The following LDLRAD4 variants were observed in gnomAD, a reference collection of about 807,000 sequenced individuals.
The protein encoded by LDLRAD4 is low-density lipoprotein receptor class A domain-containing protein 4.
In LDLRAD4, 5 loss-of-function variants were observed where a neutral mutation model predicts 17.0. The observed-to-expected ratio is 0.29, with a 90% CI of 0.15 to 0.62. The LOEUF (loss-of-function observed/expected upper bound fraction) is 0.62, where lower values mean the gene tolerates loss of function less well. LDLRAD4 is among the 20% of genes least tolerant of loss of function. The pLI, the probability that LDLRAD4 is intolerant of heterozygous loss-of-function variation, is 0.84. For missense variants in LDLRAD4, 340 were observed against 424.7 expected (o/e 0.80, Z 1.75); for synonymous variants, 168 against 171.8 (o/e 0.98, Z 0.17).
At chr18:13,484,739 A>T (rs765323264) in intron 3 of LDLRAD4, among the ~76,000 whole-genome samples, 29 of 152,208 alleles carry the variant, frequency 1.9e-4, no homozygotes, top group South Asian at 4.1e-4. Context: ...AGAGACAGGC[A>T]CTAATGCACA....
intron 3 of LDLRAD4, among the ~76,000 whole-genome samples, chr18:13,511,809 TC>T (rs1466463705): frequency 5.3e-5 from 8 of 152,088 alleles, no homozygotes; most frequent in Admixed American, 3.9e-4. Context: ...GGAATAAAAA[TC>T]CCCAGACCTA....
chr18:13,377,424 T>G (rs1233953887), intron 1 of LDLRAD4, among the ~76,000 whole-genome samples: 1 of 152,228 alleles, frequency 6.6e-6, no homozygotes, highest in African/African-American at 2.4e-5. Flanking sequence ...TATCTTTTTT[T>G]AGCTCTTAGA....
chr18:13,620,009 G>A (rs1002732774), intron 3 of LDLRAD4, among the ~76,000 whole-genome samples: 2 of 152,062 alleles, frequency 1.3e-5, no homozygotes, highest in East Asian at 2.0e-4. Flanking sequence ...GTGGAGGGCC[G>A]TGCTGAAGGG....
At position 13,318,267 on chromosome 18, in the gene LDLRAD4, C is replaced by CT. The variant is rs534002200; in HGVS notation, c.-383+40091dup. Among the ~76,000 whole-genome samples the CT allele has an allele frequency of 2.3e-3, 331 of 146,184 alleles. 1 individual carries two copies. The highest frequency in any genetic ancestry group is 3.9e-3 in the South Asian group (18 of 4,566). ...ATGGAGCTTTAATTCATAGTGAAAT[C>CT]TTTTTTTTTTTTGAGACAGAGTCTC... On this transcript the variant is annotated intron_variant, in intron 1 of 5. Coordinates refer to ENST00000359446, the Ensembl canonical transcript of LDLRAD4.
chr18:13,395,570 G>C (rs1271336988), intron 2 of LDLRAD4, among the ~76,000 whole-genome samples: 1 of 59,002 alleles, frequency 1.7e-5, no homozygotes, highest in Non-Finnish European at 3.3e-5. Context: ...GCGTGGGAGC[G>C]GGAGCTGGCG....
chr18:13,399,463 G>A (rs949670567), intron 2 of LDLRAD4, among the ~76,000 whole-genome samples: 1 of 152,176 alleles, frequency 6.6e-6, no homozygotes, highest in African/African-American at 2.4e-5. Flanking sequence ...CACTTGCAAC[G>A]AAGCCAGACA....
In LDLRAD4 at chr18:13,398,861, C is replaced by T. The variant is rs919311498; in HGVS notation, c.40+11099C>T. 1.3e-5 allele frequency among the ~76,000 whole-genome samples: 2 copies of T among 152,268 alleles called. No individual in the cohort carries two copies. The highest frequency in any genetic ancestry group is 2.1e-4 in the South Asian group (1 of 4,814). On this transcript the variant is annotated intron_variant, in intron 2 of 5. Coordinates refer to ENST00000359446, the Ensembl canonical transcript of LDLRAD4. The surrounding 1 kb of genome is among the most constrained non-coding windows in gnomAD (Gnocchi z 4.8). Reference sequence around the variant, plus strand: ...TTGTTGCCTGGGACTCACTTCCCTACGGGGCATTGGTTCCAGTATTGTGTC... The same window carrying T: ...TTGTTGCCTGGGACTCACTTCCCTATGGGGCATTGGTTCCAGTATTGTGTC...
chr18:13,271,036 C>T (rs1342702586), intron 1 of LDLRAD4, among the ~76,000 whole-genome samples: 1 of 152,146 alleles, frequency 6.6e-6, no homozygotes, highest in Non-Finnish European at 1.5e-5. Flanking sequence ...AAAGATCAAA[C>T]ATAGTTTAAT....
At position 13,408,243 on chromosome 18, in the gene LDLRAD4, G is replaced by T. The variant is rs146154144; in HGVS notation, c.40+20481G>T. ...ACACAATTTAGCCAGGTGTGGTGGTGCAGGCCTGTAGTCCCAGCTACTTGG... is the reference window on the plus strand; with the variant it reads ...ACACAATTTAGCCAGGTGTGGTGGTTCAGGCCTGTAGTCCCAGCTACTTGG... On this transcript the variant is annotated intron_variant, in intron 2 of 5. Transcript: ENST00000359446. 6.9e-3 allele frequency among the ~76,000 whole-genome samples: 1,048 copies of T among 151,926 alleles called. 10 individuals carry two copies. The highest frequency in any genetic ancestry group is 0.024 in the African/African-American group (1,013 of 41,428).
chr18:13,314,395 A>C (rs12458742), intron 1 of LDLRAD4, among the ~76,000 whole-genome samples: 6,458 of 152,258 alleles, frequency 0.042, 329 homozygotes, highest in African/African-American at 0.12. Flanking sequence ...TGAAAAAGCG[A>C]TTTCTTAATG....
chr18:13,478,166 C>G (rs1305772235), intron 3 of LDLRAD4, among the ~76,000 whole-genome samples: 2 of 152,216 alleles, frequency 1.3e-5, no homozygotes, highest in African/African-American at 4.8e-5. Context: ...ACCCTCTTGA[C>G]TCGGGGTTGT....
At chr18:13,532,845 T>C (rs981861422) in intron 3 of LDLRAD4, among the ~76,000 whole-genome samples, 3 of 152,188 alleles carry the variant, frequency 2.0e-5, no homozygotes, top group African/African-American at 7.2e-5. Context: ...TGCCTGGCCC[T>C]GCGCCTTCCG....
chr18:13,496,435 T>A (rs2093471336), intron 3 of LDLRAD4, among the ~76,000 whole-genome samples: 1 of 152,212 alleles, frequency 6.6e-6, no homozygotes, highest in African/African-American at 2.4e-5. Context: ...GTCTAATGCT[T>A]AACAAATCTT....
chr18:13,562,359 C>T (rs2094550588), intron 3 of LDLRAD4, among the ~76,000 whole-genome samples: 1 of 152,216 alleles, frequency 6.6e-6, no homozygotes, highest in Non-Finnish European at 1.5e-5. Flanking sequence ...ATCAGTGAGA[C>T]CTCAGCCTGC....
At chr18:13,323,441 G>C (rs1378305058) in intron 1 of LDLRAD4, among the ~76,000 whole-genome samples, 1 of 152,192 alleles carries the variant, frequency 6.6e-6, no homozygotes, top group Middle Eastern at 3.2e-3. Flanking sequence ...GATAGTTTTT[G>C]CGTCCTGAGC....
At chr18:13,603,252 G>A (rs2095184783) in intron 3 of LDLRAD4, among the ~76,000 whole-genome samples, 1 of 152,174 alleles carries the variant, frequency 6.6e-6, no homozygotes, top group Non-Finnish European at 1.5e-5. Context: ...GAGGAGTGAA[G>A]AAGTTCTTTC....
At chr18:13,458,379 T>C (rs1044217511) in intron 3 of LDLRAD4, among the ~76,000 whole-genome samples, 1 of 152,194 alleles carries the variant, frequency 6.6e-6, no homozygotes, top group African/African-American at 2.4e-5. Context: ...GAGTCTTCTG[T>C]GCGTAAATCT....
At chr18:13,387,963 G>T (rs573233899) in intron 2 of LDLRAD4, among the ~76,000 whole-genome samples, 2 of 152,284 alleles carry the variant, frequency 1.3e-5, no homozygotes, top group South Asian at 4.1e-4. Context: ...GTTTGAAAAA[G>T]TGTTTGACAC....
rs544709570 is a variant in LDLRAD4 at position 13,622,148 on chromosome 18, C to T, written c.336+877C>T. 3.9e-5 allele frequency among the ~76,000 whole-genome samples: 6 copies of T among 152,268 alleles called. No individual in the cohort carries two copies. In the East Asian group the frequency reaches 7.7e-4, roughly 20 times the overall value. ...CTTCAGGAACAGGGCTGTGCAGTTC[C>T]GGCTCCCACCCTGACTTACAGAGCC... is the stretch of plus-strand genomic sequence containing the variant. On this transcript the variant is annotated intron_variant, in intron 4 of 5. Coordinates refer to ENST00000359446, the Ensembl canonical transcript of LDLRAD4. The surrounding 1 kb of genome is among the most constrained non-coding windows in gnomAD (Gnocchi z 5.3).
Sources: gnomAD v4.1 joint callset for allele counts (sites outside exome capture counted in the v4.1 genomes callset) on GRCh38, gnomAD v4.1.1 for gene constraint, Gnocchi (gnomAD v3.1) non-coding constraint, MANE v1.5 for transcripts, NCBI Gene and HGNC (gene_info 2026-07-23, HGNC 2026-07-21) for gene names.